Variants in BPTF observed in about 807,000 individuals in gnomAD.
BPTF encodes the protein bromodomain PHD finger transcription factor, also known as nucleosome-remodeling factor subunit BPTF.
BPTF carries 18 observed loss-of-function variants against 292.5 expected under a neutral mutation model. The observed-to-expected ratio is 0.06, with a 90% confidence interval of 0.04 to 0.09. BPTF has a LOEUF of 0.09. BPTF is among the 10% of genes least tolerant of loss of function. The pLI is 1.00. For synonymous variants in BPTF, 1,225 were observed against 1,251.9 expected, an observed-to-expected ratio of 0.98 and a Z score of 0.45; for missense variants, 2,726 against 3,498.7, an observed-to-expected ratio of 0.78 and a Z score of 5.57.
intron 9 of BPTF, among the ~76,000 whole-genome samples, chr17:67,908,638 C>G (rs536802315): frequency 1.3e-5 from 2 of 148,294 alleles, no homozygotes; most frequent in African/African-American, 5.0e-5. Flanking sequence ...CACAGTTGCA[C>G]GCCACCATGC....
At chr17:67,900,724 A>G (rs536276764) in intron 7 of BPTF, among the ~76,000 whole-genome samples, 1 of 152,238 alleles carries the variant, frequency 6.6e-6, no homozygotes, top group Non-Finnish European at 1.5e-5. Flanking sequence ...TTAATGTGCA[A>G]GAATACTGCA....
In BPTF at chr17:67,950,838, C is replaced by CAA. The variant is rs71142113; in HGVS notation, c.7926+2547_7926+2548dup. On this transcript the variant is annotated intron_variant, in intron 23 of 27. Coordinates refer to ENST00000306378, the MANE Select transcript of BPTF (RefSeq NM_182641.4). ...TGGGTGACAGAGTGAGACTAGGTCT[C>CAA]AAAAAAAAAAAAAAAATTCAGTAAC... The CAA allele has an allele frequency of 5.3e-3, 722 of 136,380 alleles. 6 individuals carry two copies. The highest frequency in any genetic ancestry group is 0.015 in the Middle Eastern group (4 of 264). The allele number at this position is 136,380 out of a possible 1,614,324, so 8.4% of individuals were successfully genotyped here. A position where few individuals can be genotyped will look rare whatever the true frequency, so the allele number is the denominator to read the frequency against.
At chr17:67,853,146 C>T (rs1021559903) in intron 1 of BPTF, among the ~76,000 whole-genome samples, 4 of 152,108 alleles carry the variant, frequency 2.6e-5, no homozygotes, top group East Asian at 1.9e-4. Context: ...GAGATAGATA[C>T]GTTTGTTAAA....
chr17:67,911,269 A>G lies in BPTF; in HGVS notation c.3385A>G (p.Asn1129Asp), dbSNP rs1293898535. ...GAGACAAGAACAGAGCCCAAATGCA[A>G]ATAATGATCAACCTGAGGACTTGAT... The part of the protein sequence containing the change: ...SMRQEQSPNA[N>D]NDQPEDLIQG... Residue 1129 changes from asparagine (N) to aspartate (D), a missense_variant, in exon 11 of 28, where the codon AAT becomes GAT. Transcript: ENST00000306378. 1.2e-6 allele frequency: 2 copies of G among 1,614,108 alleles called. No individual in the cohort carries two copies. Among genetic ancestry groups the G allele is most frequent in the Middle Eastern group, 1.6e-4 (1 of 6,062 alleles).
chr17:67,942,279 C>T (rs1555672283), intron 19 of BPTF, among the ~76,000 whole-genome samples: 2 of 151,470 alleles, frequency 1.3e-5, no homozygotes. Context: ...TATACCACTG[C>T]ACTCCAACCT....
At chr17:67,943,324 A>G (rs1265324193) in intron 19 of BPTF, among the ~76,000 whole-genome samples, 4 of 152,210 alleles carry the variant, frequency 2.6e-5, no homozygotes, top group African/African-American at 9.7e-5. Context: ...TACTTAGTAC[A>G]TGGACTTTGC....
intron 4 of BPTF, among the ~76,000 whole-genome samples, chr17:67,880,012 T>C (rs900034835): frequency 6.6e-6 from 1 of 152,216 alleles, no homozygotes; most frequent in Non-Finnish European, 1.5e-5. Flanking sequence ...ATTCATATTT[T>C]CTGTTGTTTT....
intron 7 of BPTF, among the ~76,000 whole-genome samples, chr17:67,895,610 A>C (rs1382663426): frequency 6.6e-6 from 1 of 151,758 alleles, no homozygotes; most frequent in South Asian, 2.1e-4. Flanking sequence ...CTACAGACGC[A>C]TTCCACTATG....
intron 26 of BPTF, among the ~76,000 whole-genome samples, chr17:67,972,183 T>A (rs1555691318): frequency 1.3e-5 from 2 of 152,174 alleles, no homozygotes; most frequent in African/African-American, 4.8e-5. Context: ...TTTCTTATAT[T>A]TTTCTCTCGA....
chr17:67,826,187 A>T lies in BPTF; in HGVS notation c.463A>T (p.Thr155Ser). Residue 155 changes from threonine (T) to serine (S), a missense_variant, in exon 1 of 28, where the codon ACC becomes TCC. By Grantham distance (58) the Thr-to-Ser change is moderately conservative. Coordinates refer to ENST00000306378, the MANE Select transcript of BPTF (RefSeq NM_182641.4). ...EEEEDGDAEE[T>S]QDSEDDEEDE... ...GGAGGAGGACGGCGACGCCGAGGAG[A>T]CCCAGGATTCTGAGGACGACGAGGA... 2.5e-6 allele frequency: 4 copies of T among 1,606,046 alleles called. No homozygotes were observed. The highest frequency in any genetic ancestry group is 2.6e-6 in the Non-Finnish European group (3 of 1,173,314).
chr17:67,907,576 G>A (rs1337583972), intron 9 of BPTF, among the ~76,000 whole-genome samples: 3 of 152,088 alleles, frequency 2.0e-5, no homozygotes, highest in East Asian at 1.9e-4. Context: ...GGCTGATCTC[G>A]AACTCCTGAC....
intron 16 of BPTF, 65 bp from the exon 17 acceptor site, chr17:67,929,271 C>T (rs1255243394): frequency 1.2e-5 from 19 of 1,581,402 alleles, no homozygotes; most frequent in South Asian, 8.1e-5. Context: ...CCTCAGCAAC[C>T]GAGCACCACG....
intron 11 of BPTF, among the ~76,000 whole-genome samples, chr17:67,916,729 G>A (rs1473969071): frequency 1.4e-5 from 2 of 141,208 alleles, no homozygotes; most frequent in African/African-American, 5.6e-5. Flanking sequence ...TTGCTCCACT[G>A]CACTCCAGCC....
chr17:67,948,419 C>T (rs974520757), intron 23 of BPTF, 113 bp downstream of exon 23: 13 of 964,282 alleles, frequency 1.3e-5, no homozygotes, highest in East Asian at 5.3e-5. Context: ...CTAGAACTTA[C>T]ATTTGTGTAC....
At chr17:67,981,132 C>A (rs2070301722) in intron 27 of BPTF, among the ~76,000 whole-genome samples, 1 of 152,230 alleles carries the variant, frequency 6.6e-6, no homozygotes, top group South Asian at 2.1e-4. Context: ...GCACTCCAGA[C>A]TGTGCTACAG....
chr17:67,923,033 A>G (rs2063561160), intron 14 of BPTF, 43 bp downstream of exon 14: 1 of 1,558,708 alleles, frequency 6.4e-7, no homozygotes, highest in African/African-American at 1.4e-5. Context: ...TGAAGATTTT[A>G]TCACTTCAGA....
intron 8 of BPTF, 91 bp downstream of exon 8, chr17:67,904,009 C>A: frequency 2.7e-6 from 3 of 1,106,240 alleles, no homozygotes; most frequent in East Asian, 5.3e-5. Context: ...TTATTTTTGA[C>A]ATAGTCTTTG....
intron 21 of BPTF, among the ~76,000 whole-genome samples, chr17:67,947,477 A>G (rs2147979535): frequency 6.6e-6 from 1 of 152,290 alleles, no homozygotes; most frequent in Admixed American, 6.5e-5. Flanking sequence ...TTATAAAATT[A>G]TTGCTATGGT....
At chr17:67,857,782 C>CTTTTTT (rs35999365) in intron 2 of BPTF, among the ~76,000 whole-genome samples, 4 of 103,470 alleles carry the variant, frequency 3.9e-5, no homozygotes, top group African/African-American at 7.6e-5. Flanking sequence ...ATATTTCTTT[C>CTTTTTT]TTTTTTTTTT....
Sources: allele counts gnomAD v4.1 joint callset (sites outside exome capture counted in the v4.1 genomes callset), GRCh38; gene constraint gnomAD v4.1.1; transcripts MANE v1.5; gene names NCBI Gene and HGNC (gene_info 2026-07-23, HGNC 2026-07-21).